ANKRD13C: variants seen among roughly 807,000 people sequenced by gnomAD.
ANKRD13C encodes ankyrin repeat domain 13C, also known as ankyrin repeat domain-containing protein 13C.
A neutral mutation model predicts 65.5 loss-of-function variants in ANKRD13C; 16 were observed. That is an observed-to-expected ratio of 0.24 (90% CI 0.17 to 0.37). ANKRD13C has a LOEUF of 0.37. ANKRD13C is among the 10% of genes least tolerant of loss of function. The pLI is 1.00. For synonymous variants in ANKRD13C, 235 were observed against 238.7 expected, an observed-to-expected ratio of 0.98 and a Z score of 0.14; for missense variants, 503 against 655.9, an observed-to-expected ratio of 0.77 and a Z score of 2.55.
At chr1:70,291,155 C>T (rs184526129) in intron 9 of ANKRD13C, among the ~76,000 whole-genome samples, 2,456 of 152,116 alleles carry the variant, frequency 0.016, 74 homozygotes, top group African/African-American at 0.053. Context: ...CTCAGCCTTC[C>T]GAGTAGCTGG....
intron 4 of ANKRD13C, 54 bp from the exon 5 acceptor site, chr1:70,313,844 T>C (rs1680957413): frequency 1.5e-6 from 2 of 1,357,620 alleles, no homozygotes; most frequent in African/African-American, 1.4e-5. Context: ...AAAGTTCTTA[T>C]GCTTTAAAAA....
At chr1:70,328,659 C>A (rs1046853895) in intron 2 of ANKRD13C, among the ~76,000 whole-genome samples, 8 of 151,942 alleles carry the variant, frequency 5.3e-5, no homozygotes, top group Admixed American at 4.6e-4. Context: ...GAGACTGACT[C>A]AATAAATAAA....
intron 2 of ANKRD13C, among the ~76,000 whole-genome samples, chr1:70,330,689 T>C (rs1290839613): frequency 6.6e-6 from 1 of 151,104 alleles, no homozygotes; most frequent in East Asian, 1.9e-4. Context: ...ACAGAATATC[T>C]ACAGTTATTA....
intron 1 of ANKRD13C, among the ~76,000 whole-genome samples, chr1:70,346,233 A>G (rs1682521738): frequency 6.6e-6 from 1 of 152,196 alleles, no homozygotes; most frequent in Non-Finnish European, 1.5e-5. Context: ...CCAAAAAAGC[A>G]TGTACTCAAG....
chr1:70,286,391 CA>C (rs1402777408), intron 9 of ANKRD13C, among the ~76,000 whole-genome samples: 1 of 152,000 alleles, frequency 6.6e-6, no homozygotes, highest in Non-Finnish European at 1.5e-5. Flanking sequence ...ACTATGCTGA[CA>C]AATAACAACA....
chr1:70,269,024 T>G (rs1381444566), intron 12 of ANKRD13C, among the ~76,000 whole-genome samples: 1 of 150,384 alleles, frequency 6.6e-6, no homozygotes, highest in African/African-American at 2.4e-5. Flanking sequence ...TATCTCCCAA[T>G]GCTATCCCTC....
intron 5 of ANKRD13C, among the ~76,000 whole-genome samples, chr1:70,306,962 A>G (rs1680613033): frequency 6.6e-6 from 1 of 152,224 alleles, no homozygotes. Context: ...ATAAAGCTGC[A>G]TAACAGGCTA....
At chr1:70,349,415 T>A (rs1419034895) in intron 1 of ANKRD13C, among the ~76,000 whole-genome samples, 1 of 152,142 alleles carries the variant, frequency 6.6e-6, no homozygotes, top group African/African-American at 2.4e-5. Context: ...ATATACATGA[T>A]TTTATAGCTG....
chr1:70,336,687 AT>A (rs1170162007), intron 1 of ANKRD13C, among the ~76,000 whole-genome samples: 2 of 151,990 alleles, frequency 1.3e-5, no homozygotes, highest in Admixed American at 6.6e-5. Flanking sequence ...AGCATTCCAG[AT>A]TTTTTTTAAA....
At chr1:70,264,151 G>A (rs1422923773) in intron 12 of ANKRD13C, among the ~76,000 whole-genome samples, 1 of 151,914 alleles carries the variant, frequency 6.6e-6, no homozygotes, top group Non-Finnish European at 1.5e-5. Context: ...ATTTTTAAAT[G>A]TTTAGGGAAA....
chr1:70,354,638 C>G lies in ANKRD13C; in HGVS notation c.-230G>C. The G allele has an allele frequency of 9.6e-7, 1 of 1,036,404 alleles. No individual in the cohort carries two copies. The highest frequency in any genetic ancestry group is 1.4e-6 in the Non-Finnish European group (1 of 737,486). 64.2% of individuals were successfully genotyped at this position (1,036,404 alleles called of 1,614,324 possible). On this transcript the variant is annotated 5_prime_UTR_variant, in exon 1 of 13. Transcript: ENST00000370944. Reference sequence around the variant, plus strand: ...GGGGAAGCTAGAACTCAGGTGCCCACGACACCAGGATCTCAGTCTCGCCGT... The same window carrying G: ...GGGGAAGCTAGAACTCAGGTGCCCAGGACACCAGGATCTCAGTCTCGCCGT...
At chr1:70,286,807 G>A (rs183414898) in intron 9 of ANKRD13C, among the ~76,000 whole-genome samples, 9 of 152,210 alleles carry the variant, frequency 5.9e-5, no homozygotes, top group Admixed American at 1.3e-4. Flanking sequence ...CCAACATGGC[G>A]AAACCCTGTC....
intron 6 of ANKRD13C, among the ~76,000 whole-genome samples, chr1:70,305,326 G>A (rs1011077564): frequency 3.9e-5 from 6 of 151,990 alleles, no homozygotes; most frequent in African/African-American, 1.4e-4. Context: ...CAGAAGTCCT[G>A]GTTCAGCCAT....
chr1:70,322,313 G>A (rs114821080), intron 3 of ANKRD13C, among the ~76,000 whole-genome samples: 18 of 152,064 alleles, frequency 1.2e-4, no homozygotes, highest in East Asian at 1.9e-4. Context: ...CTAATAAACC[G>A]TAAGAGATAT....
chr1:70,349,606 A>G (rs1379755494), intron 1 of ANKRD13C, among the ~76,000 whole-genome samples: 9 of 152,166 alleles, frequency 5.9e-5, no homozygotes, highest in Admixed American at 5.9e-4. Context: ...GCACACACAC[A>G]CCAAAAATTT....
At chr1:70,318,871 C>G (rs1193037242) in intron 3 of ANKRD13C, among the ~76,000 whole-genome samples, 1 of 151,802 alleles carries the variant, frequency 6.6e-6, no homozygotes. Context: ...TTAGTAGAAA[C>G]AGGGTTTCAC....
chr1:70,319,508 G>A (rs1681213612), intron 3 of ANKRD13C, among the ~76,000 whole-genome samples: 1 of 151,406 alleles, frequency 6.6e-6, no homozygotes, highest in Admixed American at 6.6e-5. Flanking sequence ...TCGGGAGACT[G>A]GGGCAGGAGA....
Position 70,262,543 on chromosome 1 carries a change from A to T in ANKRD13C, c.*174T>A, listed in dbSNP as rs1056624435. On this transcript the variant is annotated 3_prime_UTR_variant, in exon 13 of 13. Transcript: ENST00000370944. Reference sequence around the variant, plus strand: ...AAAGACAAAAAATGGCACATCAGAAAACTCGCTGAAATTCTTATTAGAGGC... The same window carrying T: ...AAAGACAAAAAATGGCACATCAGAATACTCGCTGAAATTCTTATTAGAGGC... The T allele has an allele frequency of 1.7e-6, 1 of 588,318 alleles. No individual in the cohort carries two copies. Among genetic ancestry groups the T allele is most frequent in the African/African-American group, 1.9e-5 (1 of 53,446 alleles). The allele number at this position is 588,318 out of a possible 1,614,324, so 36.4% of individuals were successfully genotyped here.
At chr1:70,334,902 A>G (rs2182828) in intron 2 of ANKRD13C, among the ~76,000 whole-genome samples, 150,983 of 152,112 alleles carry the variant, frequency 0.99, 74,940 homozygotes, top group Middle Eastern at 1. Context: ...GTGAAATTCT[A>G]TCTCAAAATA....
Sources: allele counts gnomAD v4.1 joint callset (sites outside exome capture counted in the v4.1 genomes callset), GRCh38; gene constraint gnomAD v4.1.1; transcripts MANE v1.5; gene names NCBI Gene and HGNC (gene_info 2026-07-23, HGNC 2026-07-21).